ZCCHC17: variants seen among roughly 807,000 people sequenced by gnomAD.
The protein encoded by ZCCHC17 is zinc finger CCHC domain-containing protein 17.
In ZCCHC17, 18 loss-of-function variants were observed where a neutral mutation model predicts 30.6. The ratio of observed to expected loss-of-function variants is 0.59; its 90% CI spans 0.41 to 0.87. The LOEUF (loss-of-function observed/expected upper bound fraction) is 0.87. ZCCHC17 is among the 40% of genes least tolerant of loss of function. The probability of loss-of-function intolerance (pLI) is 0.00; values close to 1 mark genes in which losing one functional copy is unlikely to be tolerated. For synonymous variants in ZCCHC17, 88 were observed against 92.4 expected, an observed-to-expected ratio of 0.95 and a Z score of 0.27; for missense variants, 263 against 284.2, an observed-to-expected ratio of 0.93 and a Z score of 0.54.
intron 1 of ZCCHC17, among the ~76,000 whole-genome samples, chr1:31,300,889 C>T (rs917925044): frequency 2.0e-5 from 3 of 150,532 alleles, no homozygotes; most frequent in African/African-American, 4.9e-5. Flanking sequence ...GCTAAGATCG[C>T]GCCATTGCAC....
At chr1:31,354,001 T>G (rs1452061454) in intron 7 of ZCCHC17, among the ~76,000 whole-genome samples, 1 of 152,228 alleles carries the variant, frequency 6.6e-6, no homozygotes, top group African/African-American at 2.4e-5. Context: ...TTGCAAATTC[T>G]GATAGAGATT....
intron 5 of ZCCHC17, 125 bp downstream of exon 5, chr1:31,339,173 C>A: frequency 1.4e-6 from 1 of 699,938 alleles, no homozygotes; most frequent in Non-Finnish European, 2.3e-6. Flanking sequence ...AGTTACGTAA[C>A]CTTTGCAATC....
chr1:31,355,119 G>A (rs527333886), intron 7 of ZCCHC17, among the ~76,000 whole-genome samples: 35 of 151,126 alleles, frequency 2.3e-4, no homozygotes, highest in Admixed American at 2.0e-3. Flanking sequence ...AGGGTGCAGT[G>A]AGCCGAGATT....
At chr1:31,340,315 G>GTTTT (rs71028757) in intron 5 of ZCCHC17, among the ~76,000 whole-genome samples, 34,560 of 94,514 alleles carry the variant, frequency 0.37, 7,680 homozygotes, top group Non-Finnish European at 0.53. Flanking sequence ...ATCTTGGAGG[G>GTTTT]TTTTTTTTTT....
rs1640059275 is a variant in ZCCHC17, at chr1:31,364,553, G to A, written c.*360G>A. ...AGGCTAGAGCCACAGAGACTGTTGT[G>A]GAGGTGAGTTCGGCTGTAGTTAGAG... On this transcript the variant is annotated 3_prime_UTR_variant, in exon 8 of 8. Coordinates refer to ENST00000344147, the MANE Select transcript of ZCCHC17 (RefSeq NM_016505.4). 1 of 249,240 alleles carries A rather than the reference G, an allele frequency of 4.0e-6. No individual in the cohort carries two copies. The highest frequency in any genetic ancestry group is 7.9e-6 in the Non-Finnish European group (1 of 127,024). 15.4% of individuals were successfully genotyped at this position (249,240 alleles called of 1,614,324 possible).
At chr1:31,326,809 T>G (rs75108462) in intron 3 of ZCCHC17, among the ~76,000 whole-genome samples, 1 of 152,188 alleles carries the variant, frequency 6.6e-6, no homozygotes, top group Non-Finnish European at 1.5e-5. Context: ...CTGAGATCTA[T>G]AGGTTTATTG....
At chr1:31,311,901 G>A (rs1321955876) in intron 2 of ZCCHC17, among the ~76,000 whole-genome samples, 1 of 152,218 alleles carries the variant, frequency 6.6e-6, no homozygotes, top group African/African-American at 2.4e-5. Flanking sequence ...CTCTGCCCTT[G>A]TAAATGTGAT....
At chr1:31,312,414 G>A (rs545404468) in intron 2 of ZCCHC17, among the ~76,000 whole-genome samples, 6 of 152,246 alleles carry the variant, frequency 3.9e-5, no homozygotes, top group East Asian at 1.9e-4. Context: ...TTTGATGACC[G>A]AATGAATTAT....
intron 5 of ZCCHC17, 121 bp downstream of exon 5, chr1:31,339,169 G>C: frequency 1.4e-6 from 1 of 723,220 alleles, no homozygotes; most frequent in Non-Finnish European, 2.2e-6. Flanking sequence ...GATAAGTTAC[G>C]TAACCTTTGC....
At chr1:31,332,943 A>C (rs973208327) in intron 3 of ZCCHC17, 15 of 152,156 alleles carry the variant, frequency 9.9e-5, no homozygotes, top group Non-Finnish European at 2.1e-4. Flanking sequence ...GTATTTCTGT[A>C]TATTCACATA....
chr1:31,335,818 T>C (rs1183018275), intron 3 of ZCCHC17, among the ~76,000 whole-genome samples: 2 of 152,248 alleles, frequency 1.3e-5, no homozygotes, highest in African/African-American at 4.8e-5. Context: ...AATATTATTT[T>C]CTAAATACTT....
chr1:31,318,766 C>T (rs149433200), intron 2 of ZCCHC17, among the ~76,000 whole-genome samples: 14 of 152,120 alleles, frequency 9.2e-5, no homozygotes, highest in Non-Finnish European at 1.9e-4. Context: ...GCTTTTTGTT[C>T]CTTTTGTTCA....
chr1:31,349,476 A>C (rs1639392796), intron 7 of ZCCHC17, among the ~76,000 whole-genome samples: 1 of 151,548 alleles, frequency 6.6e-6, no homozygotes, highest in Non-Finnish European at 1.5e-5. Context: ...AACTACAGGC[A>C]TGCGCCACCA....
chr1:31,333,210 A>G (rs1488374642), intron 3 of ZCCHC17: 1 of 152,164 alleles, frequency 6.6e-6, no homozygotes, highest in Non-Finnish European at 1.5e-5. Context: ...TAAAATAAGT[A>G]CAATAAAATA....
At chr1:31,335,755 G>A (rs1383546289) in intron 3 of ZCCHC17, among the ~76,000 whole-genome samples, 1 of 152,118 alleles carries the variant, frequency 6.6e-6, no homozygotes, top group African/African-American at 2.4e-5. Context: ...ACTTCCAAAA[G>A]TTTATTCTAG....
Position 31,344,848 on chromosome 1 carries a change from A to T in ZCCHC17, c.318-1792A>T, listed in dbSNP as rs371152201. On this transcript the variant is annotated intron_variant, in intron 5 of 7. Coordinates refer to ENST00000344147, the MANE Select transcript of ZCCHC17 (RefSeq NM_016505.4). ...ATGTCCTCAAGTTTCTGCCTTTGTTATGGGTTTTTTTTTGTTGTTTGTTTG... is the reference window on the plus strand; with the variant it reads ...ATGTCCTCAAGTTTCTGCCTTTGTTTTGGGTTTTTTTTTGTTGTTTGTTTG... Among the ~76,000 whole-genome samples the T allele has an allele frequency of 5.4e-5, 5 of 92,504 alleles. No individual in the cohort carries two copies. In the South Asian group the frequency reaches 1.4e-3, roughly 26 times the overall value. 60.7% of individuals were successfully genotyped at this position (92,504 alleles called of 152,430 possible).
In ZCCHC17 at chr1:31,347,707, G is replaced by T. The variant is rs1042393620; in HGVS notation, c.418+967G>T. On this transcript the variant is annotated intron_variant, in intron 6 of 7. Coordinates refer to ENST00000344147, the MANE Select transcript of ZCCHC17 (RefSeq NM_016505.4). Reference sequence around the variant, plus strand: ...GGCTCACTGCATCTTTGACCTCCTGGGCTCAAGCAATCCTACCTCAGCCTC... The same window carrying T: ...GGCTCACTGCATCTTTGACCTCCTGTGCTCAAGCAATCCTACCTCAGCCTC... Among the ~76,000 whole-genome samples the T allele has an allele frequency of 3.3e-5, 5 of 151,994 alleles. No individual in the cohort carries two copies. The East Asian group carries it at 9.6e-4, about 29-fold the overall frequency.
intron 5 of ZCCHC17, among the ~76,000 whole-genome samples, chr1:31,345,546 TTATATATATATATATAATATAATA>T (rs1285609012): frequency 2.7e-5 from 3 of 109,250 alleles, no homozygotes; most frequent in Non-Finnish European, 5.7e-5. Flanking sequence ...TGACAGACAT[TTATATATATATATATAATATAATA>T]TATATATATA....
chr1:31,304,011 C>T (rs1412923760), intron 1 of ZCCHC17, among the ~76,000 whole-genome samples: 1 of 152,186 alleles, frequency 6.6e-6, no homozygotes, highest in African/African-American at 2.4e-5. Context: ...ATTTCTTCTC[C>T]TGTATCCTTT....
Sources: allele counts gnomAD v4.1 joint callset (sites outside exome capture counted in the v4.1 genomes callset), GRCh38; gene constraint gnomAD v4.1.1; transcripts MANE v1.5; gene names NCBI Gene and HGNC (gene_info 2026-07-23, HGNC 2026-07-21).